The following GOLGA3 variants were observed in gnomAD, a reference collection of about 807,000 sequenced individuals.
The protein encoded by GOLGA3 is golgin subfamily A member 3.
Under a neutral mutation model 169.4 loss-of-function variants are expected in GOLGA3, and 75 were observed. The ratio of observed to expected loss-of-function variants is 0.44; its 90% CI spans 0.37 to 0.54. The LOEUF (loss-of-function observed/expected upper bound fraction) is 0.54, where lower values mean the gene tolerates loss of function less well. Ranked by LOEUF, GOLGA3 falls within the 20% of genes least tolerant of loss-of-function variation. GOLGA3 has a pLI of 0.00. For missense variants in GOLGA3, 1,899 were observed against 1,930.0 expected, an observed-to-expected ratio of 0.98 and a Z score of 0.30; for synonymous variants, 824 against 822.4, an observed-to-expected ratio of 1.00 and a Z score of -0.03.
intron 16 of GOLGA3, among the ~76,000 whole-genome samples, chr12:132,783,013 T>C (rs142411939): frequency 0.02 from 3,020 of 152,066 alleles, 44 homozygotes; most frequent in Middle Eastern, 0.031. Flanking sequence ...CTAGCCAACA[T>C]GATGAAACCC....
rs1949148785 is a variant in GOLGA3 at position 132,801,980 on chromosome 12, G to A, written c.1598-11C>T. ...GTCGCAGGTCGTGCACTGAAATGGG[G>A]CAAGCACAGCGGCTCAGGCCAGCGA... On this transcript the variant is annotated splice_polypyrimidine_tract_variant and intron_variant, in intron 7 of 23. Transcript: ENST00000450791. 6.3e-7 allele frequency: 1 copy of A among 1,591,016 alleles called. No individual in the cohort carries two copies. The highest frequency in any genetic ancestry group is 8.5e-7 in the Non-Finnish European group (1 of 1,173,338).
chr12:132,791,087 A>AAAT, intron 12 of GOLGA3, 129 bp downstream of exon 12: 1 of 293,792 alleles, frequency 3.4e-6, no homozygotes, highest in Non-Finnish European at 6.4e-6. Context: ...AAAAAAAAAA[A>AAAT]TTTAAAGAGA....
At chr12:132,774,623 CAGAT>C (rs1460215393) in intron 22 of GOLGA3, 5 of 466,028 alleles carry the variant, frequency 1.1e-5, no homozygotes, top group Non-Finnish European at 1.9e-5. Flanking sequence ...CTTCTCCCAT[CAGAT>C]ACTCAAGACC....
intron 5 of GOLGA3, among the ~76,000 whole-genome samples, chr12:132,807,682 A>G (rs10781654): frequency 0.96 from 146,379 of 152,192 alleles, 70,648 homozygotes; most frequent in East Asian, 1. Flanking sequence ...GCTGTGTATC[A>G]CCTGTTCCAG....
intron 8 of GOLGA3, among the ~76,000 whole-genome samples, chr12:132,801,431 C>T (rs557847636): frequency 6.6e-6 from 1 of 152,288 alleles, no homozygotes; most frequent in African/African-American, 2.4e-5. Flanking sequence ...GCACGCAACA[C>T]TGTGCCGAGT....
intron 18 of GOLGA3, among the ~76,000 whole-genome samples, chr12:132,779,915 C>A (rs2045476824): frequency 1.5e-5 from 2 of 137,584 alleles, no homozygotes; most frequent in African/African-American, 5.4e-5. Flanking sequence ...CACGCACAGC[C>A]CCCCGCATGC....
At chr12:132,791,189 G>C in intron 12 of GOLGA3, 27 bp downstream of exon 12, 1 of 1,331,768 alleles carries the variant, frequency 7.5e-7, no homozygotes, top group Non-Finnish European at 1.1e-6. Context: ...CTTGTTTCAA[G>C]TGAAGAAATC....
intron 4 of GOLGA3, chr12:132,811,859 G>C (rs1949724562): frequency 2.1e-6 from 2 of 943,430 alleles, no homozygotes; most frequent in African/African-American, 1.8e-5. Context: ...TTTGAAACAT[G>C]ACATAGGCTG....
chr12:132,808,670 C>A, intron 4 of GOLGA3, 121 bp from the exon 5 acceptor site: 1 of 782,294 alleles, frequency 1.3e-6, no homozygotes, highest in Non-Finnish European at 2.1e-6. Flanking sequence ...GAGAGCACCA[C>A]CTCCCCAGCC....
rs372938026 is a variant in GOLGA3 at position 132,775,347 on chromosome 12, T to G, written c.3979-42A>C. On this transcript the variant is annotated intron_variant, in intron 21 of 23. Transcript: ENST00000450791. ...CAGATTTTTAAAAGCTAACAGATCT[T>G]AAACATCCTGCCAAGATCCGAGTTT... 3.9e-6 allele frequency: 6 copies of G among 1,540,854 alleles called. No individual in the cohort carries two copies. The East Asian group carries it at 1.4e-4, about 35-fold the overall frequency.
At chr12:132,825,940 GA>G in intron 1 of GOLGA3, 1 of 948,698 alleles carries the variant, frequency 1.1e-6, no homozygotes. Flanking sequence ...TGACCAAGAT[GA>G]AGACGCAGAG....
At chr12:132,773,362 A>G in intron 23 of GOLGA3, 68 bp from the exon 24 acceptor site, 1 of 1,023,672 alleles carries the variant, frequency 9.8e-7, no homozygotes, top group Non-Finnish European at 1.4e-6. Flanking sequence ...CCACCTGTGG[A>G]CAGCGTCACT....
At chr12:132,807,691 A>G (rs1177556741) in intron 5 of GOLGA3, among the ~76,000 whole-genome samples, 200 bp downstream of exon 5, 1 of 152,192 alleles carries the variant, frequency 6.6e-6, no homozygotes, top group African/African-American at 2.4e-5. Context: ...CACCTGTTCC[A>G]GTGCGGAGAG....
At chr12:132,787,918 AC>A (rs1276226991) in intron 13 of GOLGA3, among the ~76,000 whole-genome samples, 1 of 125,396 alleles carries the variant, frequency 8.0e-6, no homozygotes, top group African/African-American at 3.1e-5. Context: ...CCTTCCCTGG[AC>A]CCCCCCCGGA....
intron 2 of GOLGA3, among the ~76,000 whole-genome samples, chr12:132,818,254 G>A (rs1484537193): frequency 3.3e-5 from 5 of 152,182 alleles, no homozygotes; most frequent in Non-Finnish European, 7.3e-5. Flanking sequence ...AGTAACGACA[G>A]TAACATTTCC....
Position 132,822,324 on chromosome 12 carries a change from A to C in GOLGA3, c.-183-13T>G. 4 of 1,298,198 alleles carry C rather than the reference A, an allele frequency of 3.1e-6. No individual in the cohort carries two copies. Among genetic ancestry groups the C allele is most frequent in the Non-Finnish European group, 3.9e-6 (4 of 1,014,358 alleles). 80.4% of individuals were successfully genotyped at this position (1,298,198 alleles called of 1,614,324 possible). ...AATATCATGATACCTGACAGGAGAG[A>C]GAGACAAAATGTATTATGAAACTTG... On this transcript the variant is annotated splice_polypyrimidine_tract_variant and intron_variant, in intron 1 of 23. Transcript: ENST00000450791.
At chr12:132,826,075 C>A in intron 1 of GOLGA3, 1 of 1,422,866 alleles carries the variant, frequency 7.0e-7, no homozygotes, top group Non-Finnish European at 9.9e-7. Context: ...TCGGTGACAT[C>A]GTCACAGTGG....
At position 132,813,398 on chromosome 12, in the gene GOLGA3, G is replaced by T. The variant is rs753364738; in HGVS notation, c.428C>A (p.Pro143His). The T allele has an allele frequency of 1.2e-6, 2 of 1,610,176 alleles. No individual in the cohort carries two copies. Among genetic ancestry groups the T allele is most frequent in the Non-Finnish European group, 1.7e-6 (2 of 1,177,248 alleles). ...TCGGACCTGCTCCTCCTTCTCCAGG[G>T]GCAGGGGAGAATCTGTAGAGCCTGC... ...TQLCSTDSPL[P>H]LEKEEQVRLQ... The change falls in exon 4 of 24, where the codon CCC becomes CAC. Residue 143 changes from proline (P) to histidine (H), a missense_variant. Physicochemically the swap from Pro to His is moderately conservative, Grantham distance 77. Transcript: ENST00000450791.
intron 2 of GOLGA3, among the ~76,000 whole-genome samples, chr12:132,818,103 C>A (rs200769576): frequency 0.057 from 7,502 of 132,588 alleles, 716 homozygotes; most frequent in East Asian, 0.47. Context: ...TAAGGTGAAC[C>A]CCCCCTCCAC....
Sources: gnomAD v4.1 joint callset for allele counts (sites outside exome capture counted in the v4.1 genomes callset) on GRCh38, gnomAD v4.1.1 for gene constraint, MANE v1.5 for transcripts, NCBI Gene and HGNC (gene_info 2026-07-23, HGNC 2026-07-21) for gene names.